The following PRAMEF5 variants were observed in gnomAD, a reference collection of about 807,000 sequenced individuals.
The protein encoded by PRAMEF5 is PRAME family member 23.
PRAMEF5 carries 5 observed loss-of-function variants against 16.4 expected under a neutral mutation model. The ratio of observed to expected loss-of-function variants is 0.30; its 90% CI spans 0.16 to 0.64. The LOEUF is 0.64. Ranked by LOEUF, PRAMEF5 falls within the 30% of genes least tolerant of loss-of-function variation. PRAMEF5 has a pLI of 0.80. For missense variants in PRAMEF5, 36 were observed against 282.9 expected, an observed-to-expected ratio of 0.13 and a Z score of 6.26; for synonymous variants, 19 against 107.3, an observed-to-expected ratio of 0.18 and a Z score of 5.09.
exon 4 of PRAMEF5, chr1:13,263,274 G>C (rs75057196): frequency 0.15 from 170,056 of 1,172,178 alleles, 8,328 homozygotes; most frequent in Middle Eastern, 0.18. Context: ...GCAGGACTTG[G>C]GGGAAGTGTT....
chr1:13,260,244 G>T, exon 3 of PRAMEF5: 1 of 1,586,036 alleles, frequency 6.3e-7, no homozygotes, highest in Non-Finnish European at 8.6e-7. Context: ...TCAAGTGCTG[G>T]ATTTACAGGA....
At chr1:13,263,376 A>G, downstream of PRAMEF5, 1 of 639,402 alleles carries the variant, frequency 1.6e-6, no homozygotes, top group Non-Finnish European at 2.7e-6. Context: ...AGAATACTTG[A>G]GGGAGTTACT....
exon 3 of PRAMEF5, chr1:13,260,350 C>G: frequency 6.3e-7 from 1 of 1,592,240 alleles, no homozygotes; most frequent in Non-Finnish European, 8.6e-7. Context: ...CAGGACTGTC[C>G]AAGGATGAGA....
rs1026369410 is a variant in PRAMEF5 at position 13,262,134 on chromosome 1, T to A, written c.870-416T>A. 4.2e-5 allele frequency: 6 copies of A among 143,226 alleles called. 1 individual carries two copies. Among genetic ancestry groups the A allele is most frequent in the East Asian group, 2.6e-4 (1 of 3,910 alleles). The allele number at this position is 143,226 out of a possible 1,614,324, so 8.9% of individuals were successfully genotyped here. On this transcript the variant is annotated intron_variant, in intron 3 of 3. Transcript: ENST00000622421. ...TGGAGTGTAGTGGCATGATCTCTGC[T>A]CACTGCAACCTACACCTCCTGGGTT...
At chr1:13,263,328 TG>T (rs1212712649), downstream of PRAMEF5, 3 of 604,252 alleles carry the variant, frequency 5.0e-6, no homozygotes, top group Non-Finnish European at 5.9e-6. Context: ...TCCTGTAGAG[TG>T]GAAAATGGGA....
Position 13,262,651 on chromosome 1 carries a change from AGACCCTG to A in PRAMEF5, c.976_982del (p.Leu326Ter), listed in dbSNP as rs748489529. On this transcript the variant is annotated frameshift_variant, in exon 4 of 4. Transcript: ENST00000622421. LOFTEE classifies it high-confidence loss of function. ...CAGTGCCCGAGTATCAGTCAACTAAAGACCCTGGACCTGAGTGGCATCAGACTGACCA... is the reference window on the plus strand; with the variant it reads ...CAGTGCCCGAGTATCAGTCAACTAAAGACCTGAGTGGCATCAGACTGACCA... The A allele has an allele frequency of 2.6e-6, 1 of 377,586 alleles. No individual in the cohort carries two copies. The highest frequency in any genetic ancestry group is 6.5e-5 in the African/African-American group (1 of 15,450). The allele number at this position is 377,586 out of a possible 1,614,324, so 23.4% of individuals were successfully genotyped here. A position where few individuals can be genotyped will look rare whatever the true frequency, so the allele number is the denominator to read the frequency against.
At chr1:13,260,921 A>G in intron 3 of PRAMEF5, 118 bp downstream of exon 3, 1 of 144,686 alleles carries the variant, frequency 6.9e-6, no homozygotes, top group Non-Finnish European at 1.2e-5. Context: ...GGACACTAGA[A>G]TGTCCATGCA....
At position 13,260,100 on chromosome 1, in the gene PRAMEF5, G is replaced by A. The variant is rs879262739; in HGVS notation, c.288-122G>A. The A allele has an allele frequency of 2.3e-3, 3,402 of 1,501,432 alleles. 10 individuals carry two copies. The African/African-American group carries it at 0.035, about 15-fold the overall frequency. The allele number at this position is 1,501,432 out of a possible 1,614,324, so 93.0% of individuals were successfully genotyped here. ...TGGGCAGGATCCAAGGGGAAAACAG[G>A]GTGAAGAAAAGTCAGAGAGAGGGAC... On this transcript the variant is annotated intron_variant, in intron 2 of 3. Transcript: ENST00000622421.
At chr1:13,258,660 AAAG>A (rs1639348314) in intron 1 of PRAMEF5, 1 of 154,860 alleles carries the variant, frequency 6.5e-6, no homozygotes, top group Admixed American at 6.1e-5. Context: ...GGATGCAGGG[AAAG>A]AAGACAAGAA....
At chr1:13,255,776 C>CTTT (rs1174990976) in intron 1 of PRAMEF5, 15 of 21,664 alleles carry the variant, frequency 6.9e-4, no homozygotes, top group African/African-American at 1.0e-3. Context: ...TTTTCTTTTT[C>CTTT]TTTTTTTTTT....
intron 2 of PRAMEF5, 137 bp from the exon 3 acceptor site, chr1:13,260,085 C>T (rs1350102656): frequency 1.3e-5 from 19 of 1,426,386 alleles, no homozygotes; most frequent in African/African-American, 1.1e-4. Flanking sequence ...TGGGCAGGAT[C>T]CAAGGGGAAA....
At chr1:13,261,784 CAG>C (rs1419082506) in intron 3 of PRAMEF5, 1 of 19,044 alleles carries the variant, frequency 5.3e-5, no homozygotes, top group Non-Finnish European at 1.3e-4. Context: ...GATTCTGAAA[CAG>C]AGGGTCAGGG....
chr1:13,263,387 C>G, downstream of PRAMEF5: 1 of 617,642 alleles, frequency 1.6e-6, no homozygotes, highest in South Asian at 2.0e-5. Context: ...GGGAGTTACT[C>G]TTGGATGCAT....
chr1:13,260,172 G>C (rs1553173632), intron 2 of PRAMEF5, 50 bp from the exon 3 acceptor site: 1 of 1,557,448 alleles, frequency 6.4e-7, no homozygotes, highest in African/African-American at 1.4e-5. Flanking sequence ...TGGAGTTTAA[G>C]TTCAGAAATG....
Position 13,260,150 on chromosome 1 carries a change from C to T in PRAMEF5, c.288-72C>T, listed in dbSNP as rs1333420129. 1.2e-5 allele frequency: 19 copies of T among 1,553,312 alleles called. 1 individual carries two copies. The highest frequency in any genetic ancestry group is 4.7e-5 in the East Asian group (2 of 42,922). On this transcript the variant is annotated intron_variant, in intron 2 of 3. Coordinates refer to ENST00000622421, the Ensembl canonical transcript of PRAMEF5. Reference sequence around the variant, plus strand: ...CAAGAAGCAGGGAGGGGAGGAGCTGCTCTCCAGGATGTGGAGTTTAAGTTC... The same window carrying T: ...CAAGAAGCAGGGAGGGGAGGAGCTGTTCTCCAGGATGTGGAGTTTAAGTTC...
chr1:13,258,608 G>GAC (rs1491578498), intron 1 of PRAMEF5: 20 of 164,288 alleles, frequency 1.2e-4, no homozygotes, highest in African/African-American at 4.6e-4. Context: ...GTCAGAAAGA[G>GAC]TGAGAGAGGG....
At chr1:13,255,889 T>C (rs200608753) in intron 1 of PRAMEF5, 126 of 144,706 alleles carry the variant, frequency 8.7e-4, no homozygotes, top group East Asian at 5.3e-3. Context: ...TCAAGCGATC[T>C]TCCTGTCTCA....
chr1:13,261,871 G>A (rs1475047296), intron 3 of PRAMEF5: 3 of 32,110 alleles, frequency 9.3e-5, no homozygotes, highest in African/African-American at 2.9e-4. Flanking sequence ...CCTGCAGCCC[G>A]CCCACCGTAG....
At chr1:13,258,706 AAG>A (rs1490901072) in intron 1 of PRAMEF5, 1 of 94,778 alleles carries the variant, frequency 1.1e-5, no homozygotes, top group Non-Finnish European at 2.5e-5. Context: ...GAAAGAAAGA[AAG>A]AGGGAGAGAG....
Sources: gnomAD v4.1 joint callset for allele counts on GRCh38, gnomAD v4.1.1 for gene constraint, MANE v1.5 for transcripts, NCBI Gene and HGNC (gene_info 2026-07-23, HGNC 2026-07-21) for gene names.